The following XPO1 variants were observed in gnomAD, a reference collection of about 807,000 sequenced individuals.
XPO1 encodes exportin-1.
XPO1 carries 5 observed loss-of-function variants against 133.3 expected under a neutral mutation model. That is an observed-to-expected ratio of 0.04 (90% confidence interval 0.02 to 0.08). The LOEUF (loss-of-function observed/expected upper bound fraction) is 0.08, where lower values mean the gene tolerates loss of function less well. Among genes scored for constraint, XPO1 ranks in the 10% least tolerant of loss-of-function variants. The probability of loss-of-function intolerance (pLI) is 1.00; values close to 1 mark genes in which losing one functional copy is unlikely to be tolerated. For synonymous variants in XPO1, 419 were observed against 408.2 expected (o/e 1.03, Z -0.32); for missense variants, 506 against 1,267.5 (o/e 0.40, Z 9.12).
At position 61,492,720 on chromosome 2, in the gene XPO1, A is replaced by G. The variant is rs1558639733; in HGVS notation, c.1413T>C (p.Asp471=). Residue 471 remains aspartate (D), a synonymous_variant, in exon 14 of 25, where the codon GAT becomes GAC. Transcript: ENST00000401558. This position sits in a 1 kb window ranked among gnomAD's most constrained non-coding sequence, Gnocchi z 5.6. ...LVYLTHLDYV[D]TERIMTEKLH... ...GCTTCTCTGTCATTATTCTTTCTGT[A>G]TCTACATAATCCAGATGAGTAAGAT... 1 of 1,613,470 alleles carries G rather than the reference A, an allele frequency of 6.2e-7. No individual in the cohort carries two copies. Among genetic ancestry groups the G allele is most frequent in the Non-Finnish European group, 8.5e-7 (1 of 1,179,914 alleles).
Position 61,483,038 on chromosome 2 carries a change from C to T in XPO1, c.2731G>A (p.Ala911Thr), listed in dbSNP as rs927721217. ...LQNVAQEEAA[A>T]QSFYQTYFCD... Reference sequence around the variant, plus strand: ...AAATAAGTTTGATAAAAACTCTGAGCTGCAGCTTCTTCTTGTGCAACATTT... The same window carrying T: ...AAATAAGTTTGATAAAAACTCTGAGTTGCAGCTTCTTCTTGTGCAACATTT... The change falls in exon 22 of 25, where the codon GCT becomes ACT. Residue 911 changes from alanine (A) to threonine (T), a missense_variant. By Grantham distance (58) the Ala-to-Thr change is moderately conservative. Transcript: ENST00000401558. 6.2e-7 allele frequency: 1 copy of T among 1,613,642 alleles called. No individual in the cohort carries two copies. Among genetic ancestry groups the T allele is most frequent in the Non-Finnish European group, 8.5e-7 (1 of 1,179,982 alleles).
intron 4 of XPO1, among the ~76,000 whole-genome samples, chr2:61,510,192 G>A (rs1039458689): frequency 2.0e-5 from 3 of 151,994 alleles, no homozygotes; most frequent in Non-Finnish European, 4.4e-5. Context: ...CACAAGAATC[G>A]CTTCAACCCG....
intron 19 of XPO1, among the ~76,000 whole-genome samples, chr2:61,486,250 T>C (rs923237323): frequency 2.0e-5 from 3 of 152,004 alleles, no homozygotes; most frequent in African/African-American, 7.2e-5. Flanking sequence ...CTCTGCTCAC[T>C]GCAACCTCCA....
Position 61,492,777 on chromosome 2 carries a change from A to T in XPO1, c.1385-29T>A. On this transcript the variant is annotated intron_variant, in intron 13 of 24. Coordinates refer to ENST00000401558, the MANE Select transcript of XPO1 (RefSeq NM_003400.4). The surrounding 1 kb of genome is among the most constrained non-coding windows in gnomAD (Gnocchi z 5.6). ...CAAAGAAAAACATGGTTTCAAATGC[A>T]AATAATGAGCAGAATTTTATTGATG... 1 of 1,603,542 alleles carries T rather than the reference A, an allele frequency of 6.2e-7. No individual in the cohort carries two copies. Among genetic ancestry groups the T allele is most frequent in the Non-Finnish European group, 8.5e-7 (1 of 1,176,208 alleles).
Position 61,497,949 on chromosome 2 carries a change from A to G in XPO1, c.759+724T>C, listed in dbSNP as rs575663991. 2.6e-5 allele frequency among the ~76,000 whole-genome samples: 4 copies of G among 152,376 alleles called. No individual in the cohort carries two copies. The South Asian group carries it at 8.3e-4, about 32-fold the overall frequency. ...CATTCAAATACTATAAATCCATATTATCTTACCAAACTAAACTACGAAGTT... is the reference window on the plus strand; with the variant it reads ...CATTCAAATACTATAAATCCATATTGTCTTACCAAACTAAACTACGAAGTT... On this transcript the variant is annotated intron_variant, in intron 9 of 24. Coordinates refer to ENST00000401558, the MANE Select transcript of XPO1 (RefSeq NM_003400.4).
chr2:61,523,643 T>C (rs1698790926), intron 3 of XPO1, among the ~76,000 whole-genome samples: 1 of 152,192 alleles, frequency 6.6e-6, no homozygotes, highest in Non-Finnish European at 1.5e-5. Context: ...TAACCTCAGA[T>C]TGCAAGTTTT....
At chr2:61,504,816 C>T (rs919374572) in intron 4 of XPO1, among the ~76,000 whole-genome samples, 10 of 152,174 alleles carry the variant, frequency 6.6e-5, no homozygotes, top group Non-Finnish European at 1.5e-4. Context: ...ACAACACTAG[C>T]CATTTCCCAC....
chr2:61,490,634 A>G lies in XPO1; in HGVS notation c.2022+8T>C. 6.2e-7 allele frequency: 1 copy of G among 1,613,802 alleles called. No individual in the cohort carries two copies. The highest frequency in any genetic ancestry group is 1.7e-5 in the Admixed American group (1 of 59,854). On this transcript the variant is annotated splice_region_variant and intron_variant, in intron 17 of 24. Coordinates refer to ENST00000401558, the MANE Select transcript of XPO1 (RefSeq NM_003400.4). ...TGAAAACTTTTAAGAAAAGGTAGAA[A>G]TACTTACTTTGGTTGCCTGCTGGAT...
chr2:61,498,855 A>G lies in XPO1; in HGVS notation c.639+10T>C, dbSNP rs1375611227. 1 of 1,606,724 alleles carries G rather than the reference A, an allele frequency of 6.2e-7. No homozygotes were observed. Among genetic ancestry groups the G allele is most frequent in the Admixed American group, 1.7e-5 (1 of 58,858 alleles). The stretch of plus-strand genomic sequence containing the variant: ...TTATTGTTTTTAAAAATGAAATTAA[A>G]AACACTTACCATTACAAACTGACAC... On this transcript the variant is annotated intron_variant, in intron 8 of 24. Transcript: ENST00000401558.
At chr2:61,525,421 A>C in intron 3 of XPO1, 1 of 998,748 alleles carries the variant, frequency 1.0e-6, no homozygotes, top group Non-Finnish European at 1.2e-6. Context: ...ATTGCATAAA[A>C]GCCAAATGTC....
At chr2:61,522,381 T>C (rs769982429) in intron 4 of XPO1, among the ~76,000 whole-genome samples, 19 of 152,290 alleles carry the variant, frequency 1.2e-4, no homozygotes, top group East Asian at 1.9e-4. Flanking sequence ...AGAATATTTA[T>C]TGTCAGAGTT....
chr2:61,538,085 T>G lies in XPO1; in HGVS notation c.-530A>C, dbSNP rs1259511070. 1 of 114,616 alleles carries G rather than the reference T, an allele frequency of 8.7e-6. No homozygotes were observed. The highest frequency in any genetic ancestry group is 1.6e-5 in the Non-Finnish European group (1 of 61,050). The allele number at this position is 114,616 out of a possible 1,614,324, so 7.1% of individuals were successfully genotyped here. ...TCGCCTAAACTTTCCCCCCTTCTCTTGTTCCTCAGCGACTGGTGGTTCCCC... is the reference window on the plus strand; with the variant it reads ...TCGCCTAAACTTTCCCCCCTTCTCTGGTTCCTCAGCGACTGGTGGTTCCCC... On this transcript the variant is annotated 5_prime_UTR_variant, in exon 1 of 25. Transcript: ENST00000401558.
chr2:61,483,589 A>G (rs1696514567), intron 21 of XPO1: 1 of 188,014 alleles, frequency 5.3e-6, no homozygotes, highest in Non-Finnish European at 1.1e-5. Flanking sequence ...TTAAAAGCCT[A>G]TGGGAAAAAA....
chr2:61,531,033 A>C (rs1378391123), intron 2 of XPO1, among the ~76,000 whole-genome samples: 1 of 152,162 alleles, frequency 6.6e-6, no homozygotes, highest in Non-Finnish European at 1.5e-5. Context: ...ATGACTAGAG[A>C]GAGCTTCCAA....
In XPO1 at chr2:61,519,856, A is replaced by G. The variant is rs547059663; in HGVS notation, c.301+2755T>C. Among the ~76,000 whole-genome samples the G allele has an allele frequency of 8.4e-4, 128 of 152,288 alleles. 1 individual carries two copies. The highest frequency in any genetic ancestry group is 3.0e-3 in the African/African-American group (123 of 41,572). On this transcript the variant is annotated intron_variant, in intron 4 of 24. Coordinates refer to ENST00000401558, the MANE Select transcript of XPO1 (RefSeq NM_003400.4). ...GTGAAACCTTTCCTTCCTTTAAAAT[A>G]TACCAGGCATTTCTTTCCAATTATG...
At chr2:61,489,252 A>G (rs1251605051) in intron 17 of XPO1, among the ~76,000 whole-genome samples, 1 of 151,896 alleles carries the variant, frequency 6.6e-6, no homozygotes, top group African/African-American at 2.4e-5. Context: ...TGTCTCTACT[A>G]AAAATACAAA....
chr2:61,516,841 A>G (rs904235012), intron 4 of XPO1, among the ~76,000 whole-genome samples: 1 of 152,144 alleles, frequency 6.6e-6, no homozygotes, highest in Non-Finnish European at 1.5e-5. Flanking sequence ...TCCCCCCAAC[A>G]GGAACAAAGG....
chr2:61,502,965 C>CTTTCTT (rs1476704739), intron 4 of XPO1, among the ~76,000 whole-genome samples: 5 of 138,308 alleles, frequency 3.6e-5, no homozygotes, highest in Admixed American at 1.5e-4. Context: ...TGTTTCTTTT[C>CTTTCTT]TTTTTTTTTT....
chr2:61,505,392 CTTTTT>C (rs146283651), intron 4 of XPO1, among the ~76,000 whole-genome samples: 7 of 135,834 alleles, frequency 5.2e-5, no homozygotes, highest in African/African-American at 1.9e-4. Flanking sequence ...AACATTCTCA[CTTTTT>C]TTTTTTTTTT....
Sources: allele counts gnomAD v4.1 joint callset (sites outside exome capture counted in the v4.1 genomes callset), GRCh38; gene constraint gnomAD v4.1.1; non-coding constraint Gnocchi (gnomAD v3.1); transcripts MANE v1.5; gene names NCBI Gene and HGNC (gene_info 2026-07-23, HGNC 2026-07-21).